ZRANB3: variants seen among roughly 807,000 people sequenced by gnomAD.
ZRANB3 encodes the protein DNA annealing helicase and endonuclease ZRANB3.
ZRANB3 carries 125 observed loss-of-function variants against 133.8 expected under a neutral mutation model. That is an observed-to-expected ratio of 0.93 (90% CI 0.81 to 1.08). ZRANB3 has a LOEUF of 1.08. Among genes scored for constraint, ZRANB3 ranks in the 50% least tolerant of loss-of-function variants. The pLI, the probability that ZRANB3 is intolerant of heterozygous loss-of-function variation, is 0.00. For synonymous variants in ZRANB3, 387 were observed against 432.7 expected, an observed-to-expected ratio of 0.89 and a Z score of 1.31; for missense variants, 1,229 against 1,275.5, an observed-to-expected ratio of 0.96 and a Z score of 0.56.
At chr2:135,247,754 T>C (rs932689136) in intron 12 of ZRANB3, among the ~76,000 whole-genome samples, 1 of 152,066 alleles carries the variant, frequency 6.6e-6, no homozygotes, top group Non-Finnish European at 1.5e-5. Flanking sequence ...TGCACCTCCC[T>C]AGGAAAGGAG....
At chr2:135,511,482 C>T (rs1693449050) in intron 1 of ZRANB3, 1 of 866,924 alleles carries the variant, frequency 1.2e-6, no homozygotes, top group Non-Finnish European at 2.0e-6. Flanking sequence ...CTTCACGTTC[C>T]TCTACTACTT....
chr2:135,210,504 G>A (rs1429037030), intron 17 of ZRANB3, among the ~76,000 whole-genome samples: 2 of 151,988 alleles, frequency 1.3e-5, no homozygotes, highest in African/African-American at 4.8e-5. Flanking sequence ...GCCAATTATT[G>A]TATTTTTAGT....
intron 6 of ZRANB3, among the ~76,000 whole-genome samples, chr2:135,337,703 A>G (rs1684429407): frequency 6.6e-6 from 1 of 152,210 alleles, no homozygotes; most frequent in African/African-American, 2.4e-5. Flanking sequence ...CAGAAAAACA[A>G]CTAAGAACTG....
intron 2 of ZRANB3, among the ~76,000 whole-genome samples, chr2:135,422,976 G>T (rs1688922735): frequency 6.6e-6 from 1 of 152,094 alleles, no homozygotes; most frequent in Admixed American, 6.5e-5. Context: ...ATATCAACAG[G>T]GTTGGTTCTT....
At chr2:135,295,689 T>A (rs1235315080) in intron 8 of ZRANB3, among the ~76,000 whole-genome samples, 1 of 150,042 alleles carries the variant, frequency 6.7e-6, no homozygotes, top group East Asian at 2.0e-4. Context: ...TCTTTACAAT[T>A]TGGCATGTTT....
chr2:135,287,013 G>A (rs1464058710), intron 8 of ZRANB3, among the ~76,000 whole-genome samples: 4 of 152,154 alleles, frequency 2.6e-5, no homozygotes, highest in Non-Finnish European at 5.9e-5. Context: ...TATCTAGAAG[G>A]GGTTGTCCAA....
intron 8 of ZRANB3, among the ~76,000 whole-genome samples, chr2:135,294,431 C>T (rs951814109): frequency 7.9e-5 from 12 of 152,088 alleles, no homozygotes; most frequent in African/African-American, 9.7e-5. Flanking sequence ...TCTGTGGGAT[C>T]GGCGGTGATA....
At chr2:135,506,327 T>C (rs376253280) in intron 1 of ZRANB3, among the ~76,000 whole-genome samples, 1 of 151,968 alleles carries the variant, frequency 6.6e-6, no homozygotes, top group Non-Finnish European at 1.5e-5. Flanking sequence ...GAGGAGGAAT[T>C]TGCAGTGAGC....
intron 1 of ZRANB3, among the ~76,000 whole-genome samples, chr2:135,514,645 T>C (rs572642845): frequency 2.0e-5 from 3 of 150,266 alleles, no homozygotes; most frequent in Non-Finnish European, 4.4e-5. Context: ...TTCTCTTGCT[T>C]GATTGCCCTG....
rs1474196010 is a variant in ZRANB3, at chr2:135,416,213, C to T, written c.162-25393G>A. Among the ~76,000 whole-genome samples, 489 of 151,490 alleles carry T rather than the reference C, an allele frequency of 3.2e-3. 5 individuals are homozygous for T. The highest frequency in any genetic ancestry group is 0.022 in the Admixed American group (330 of 15,104). The stretch of plus-strand genomic sequence containing the variant: ...TGATTGTATATCTAGAAAACCCCAT[C>T]GTCTCAGCCCAAAATCTCCTTAAGC... On this transcript the variant is annotated intron_variant, in intron 2 of 20. Coordinates refer to ENST00000264159, the MANE Select transcript of ZRANB3 (RefSeq NM_032143.4).
chr2:135,366,471 G>C (rs1340194812), intron 3 of ZRANB3, among the ~76,000 whole-genome samples: 1 of 152,090 alleles, frequency 6.6e-6, no homozygotes, highest in Non-Finnish European at 1.5e-5. Flanking sequence ...CTAATGAGTT[G>C]AGTAGTTTCA....
chr2:135,312,301 G>A (rs976896355), intron 8 of ZRANB3, among the ~76,000 whole-genome samples: 5 of 151,632 alleles, frequency 3.3e-5, no homozygotes, highest in African/African-American at 9.7e-5. Flanking sequence ...TGAGCTAAGC[G>A]ATCCTCCCTC....
chr2:135,463,292 A>G (rs1308780300), intron 2 of ZRANB3, among the ~76,000 whole-genome samples: 1 of 152,236 alleles, frequency 6.6e-6, no homozygotes, highest in Non-Finnish European at 1.5e-5. Flanking sequence ...AAGATTCATT[A>G]TATTAATCCT....
chr2:135,289,668 A>C (rs1389248121), intron 8 of ZRANB3, among the ~76,000 whole-genome samples: 2 of 152,142 alleles, frequency 1.3e-5, no homozygotes, highest in Non-Finnish European at 2.9e-5. Flanking sequence ...TTCGGGAGGC[A>C]AAGTCAGGTG....
chr2:135,361,686 T>C (rs1442299368), intron 3 of ZRANB3, among the ~76,000 whole-genome samples: 2 of 152,168 alleles, frequency 1.3e-5, no homozygotes, highest in African/African-American at 4.8e-5. Context: ...AGAGATTGCT[T>C]TGGAGGACCC....
intron 7 of ZRANB3, among the ~76,000 whole-genome samples, chr2:135,313,946 C>A (rs1683128664): frequency 6.6e-6 from 1 of 152,130 alleles, no homozygotes; most frequent in South Asian, 2.1e-4. Context: ...CTCACTGCAA[C>A]CTCCGCCTCC....
chr2:135,371,845 G>A (rs1359381128), intron 3 of ZRANB3, among the ~76,000 whole-genome samples: 1 of 152,140 alleles, frequency 6.6e-6, no homozygotes, highest in Admixed American at 6.6e-5. Context: ...GAAGTCATAA[G>A]GGTGGGGCCC....
intron 2 of ZRANB3, among the ~76,000 whole-genome samples, chr2:135,394,669 C>T (rs1180009041): frequency 6.6e-6 from 1 of 151,796 alleles, no homozygotes; most frequent in Admixed American, 6.6e-5. Flanking sequence ...ATAGTTAACA[C>T]TACTACACTG....
chr2:135,302,123 G>C (rs912517230), intron 8 of ZRANB3, among the ~76,000 whole-genome samples: 1 of 152,198 alleles, frequency 6.6e-6, no homozygotes, highest in Admixed American at 6.5e-5. Context: ...GCTACCTCCT[G>C]AAAAGCCTAT....
Sources: allele counts gnomAD v4.1 joint callset (sites outside exome capture counted in the v4.1 genomes callset), GRCh38; gene constraint gnomAD v4.1.1; transcripts MANE v1.5; gene names NCBI Gene and HGNC (gene_info 2026-07-23, HGNC 2026-07-21).